Variants in PROSER3 observed in about 807,000 individuals in gnomAD.
PROSER3 encodes the protein proline and serine rich 3, also known as proline and serine-rich protein 3.
PROSER3 carries 33 observed loss-of-function variants against 50.2 expected under a neutral mutation model. The observed-to-expected ratio is 0.66, with a 90% confidence interval of 0.50 to 0.88. The LOEUF is 0.88. Among genes scored for constraint, PROSER3 ranks in the 40% least tolerant of loss-of-function variants. PROSER3 has a pLI of 0.00. For missense variants in PROSER3, 623 were observed against 612.7 expected, an observed-to-expected ratio of 1.02 and a Z score of -0.18; for synonymous variants, 266 against 259.3, an observed-to-expected ratio of 1.03 and a Z score of -0.25.
intron 9 of PROSER3, 35 bp from the exon 10 acceptor site, chr19:35,768,120 G>A: frequency 6.2e-7 from 1 of 1,605,080 alleles, no homozygotes. Flanking sequence ...TAAGAGGCCG[G>A]CCCCTTGGAG....
exon 2 of PROSER3, chr19:35,759,466 C>T (rs768876887): frequency 1.9e-6 from 3 of 1,611,486 alleles, no homozygotes; most frequent in Admixed American, 3.4e-5. Flanking sequence ...ACCTGGTGTC[C>T]CAAGGTGAGG....
chr19:35,762,303 G>A, exon 5 of PROSER3: 1 of 1,611,444 alleles, frequency 6.2e-7, no homozygotes, highest in South Asian at 1.1e-5. Context: ...CCCTACTGCG[G>A]TCAACGTGAC....
At chr19:35,759,116 C>A (rs1344282827) in intron 1 of PROSER3, 1 of 462,598 alleles carries the variant, frequency 2.2e-6, no homozygotes, top group Non-Finnish European at 3.9e-6. Flanking sequence ...AAAGCCCCTC[C>A]TAGACTGGAT....
chr19:35,758,412 C>T, intron 1 of PROSER3, 186 bp downstream of exon 1: 1 of 661,000 alleles, frequency 1.5e-6, no homozygotes, highest in East Asian at 3.4e-5. Flanking sequence ...TCCCGGGGGT[C>T]CCCTAAGAGT....
At chr19:35,763,492 C>A (rs1291876308) in intron 5 of PROSER3, among the ~76,000 whole-genome samples, 1 of 151,326 alleles carries the variant, frequency 6.6e-6, no homozygotes, top group Non-Finnish European at 1.5e-5. Flanking sequence ...AGGCGTGAAC[C>A]ACCAAGCCCG....
At chr19:35,765,974 T>C (rs1399409222) in intron 7 of PROSER3, among the ~76,000 whole-genome samples, 2 of 152,170 alleles carry the variant, frequency 1.3e-5, no homozygotes, top group African/African-American at 4.8e-5. Context: ...AGGCAAAGCC[T>C]TCGCCTTTTA....
At chr19:35,768,611 T>A (rs1971254725) in exon 11 of PROSER3, 3 of 1,502,412 alleles carry the variant, frequency 2.0e-6, no homozygotes, top group Non-Finnish European at 2.6e-6. Flanking sequence ...ACTGGTTATC[T>A]GTGAGAAAGG....
downstream of PROSER3, among the ~76,000 whole-genome samples, chr19:35,770,318 G>A (rs976974504): frequency 6.6e-6 from 1 of 152,018 alleles, no homozygotes; most frequent in Non-Finnish European, 1.5e-5. Flanking sequence ...GATTACAGAT[G>A]TGAGCCACCG....
chr19:35,767,354 C>G (rs1971185126), intron 8 of PROSER3: 1 of 265,760 alleles, frequency 3.8e-6, no homozygotes. Flanking sequence ...CCCGGCTTCC[C>G]TGGCCTCCAC....
chr19:35,768,292 A>T, intron 10 of PROSER3, 56 bp downstream of exon 10: 1 of 1,585,060 alleles, frequency 6.3e-7, no homozygotes, highest in Non-Finnish European at 8.6e-7. Context: ...GACCTCTGAG[A>T]CCCGGTTAGG....
chr19:35,770,959 G>C (rs1971302872), downstream of PROSER3: 1 of 151,724 alleles, frequency 6.6e-6, no homozygotes, highest in Admixed American at 6.6e-5. Context: ...ATGAAACTTA[G>C]TGAAGTGTGT....
downstream of PROSER3, chr19:35,770,909 A>C (rs1291325807): frequency 6.6e-6 from 1 of 151,694 alleles, no homozygotes; most frequent in African/African-American, 2.4e-5. Flanking sequence ...ACTAGTTGCC[A>C]TGCTGGGGAG....
Position 35,758,370 on chromosome 19 carries a change from G to C in PROSER3, c.11+144G>C, listed in dbSNP as rs940154908. The C allele has an allele frequency of 4.4e-6, 5 of 1,138,998 alleles. No homozygotes were observed. In the African/African-American group the frequency reaches 8.1e-5, roughly 19 times the overall value. The allele number at this position is 1,138,998 out of a possible 1,614,324, so 70.6% of individuals were successfully genotyped here. A position where few individuals can be genotyped will look rare whatever the true frequency, so the allele number is the denominator to read the frequency against. On this transcript the variant is annotated intron_variant, in intron 1 of 10. Transcript: ENST00000396908. ...ACTACAATTCCCAACATGCTCCACA[G>C]CCGTTGGCCTCTCCAGCCGTAGCCG...
intron 5 of PROSER3, among the ~76,000 whole-genome samples, chr19:35,763,582 C>T (rs962809224): frequency 2.4e-4 from 36 of 147,010 alleles, no homozygotes; most frequent in Admixed American, 2.3e-3. Flanking sequence ...CGGCTCACTG[C>T]AAACCCCGCC....
exon 7 of PROSER3, chr19:35,765,130 G>T (rs1386010565): frequency 1.2e-6 from 2 of 1,613,832 alleles, no homozygotes; most frequent in Middle Eastern, 1.6e-4. Flanking sequence ...CCTTCTCGGA[G>T]ACCTTCATCC....
At chr19:35,759,385 T>A in exon 2 of PROSER3, 1 of 1,613,500 alleles carries the variant, frequency 6.2e-7, no homozygotes, top group Non-Finnish European at 8.5e-7. Flanking sequence ...CTGCCAGTTT[T>A]CTCCATTCAA....
exon 11 of PROSER3, chr19:35,768,591 T>C (rs767329400): frequency 1.3e-6 from 2 of 1,516,332 alleles, no homozygotes; most frequent in South Asian, 1.3e-5. Context: ...TTTTTTTTTT[T>C]CATACAGTTA....
chr19:35,759,112 C>G (rs552457298), intron 1 of PROSER3: 1 of 410,864 alleles, frequency 2.4e-6, no homozygotes, highest in East Asian at 4.1e-5. Context: ...TTGAAAAGCC[C>G]CTCCTAGACT....
intron 1 of PROSER3, 53 bp from the exon 2 acceptor site, chr19:35,759,321 C>G: frequency 6.8e-7 from 1 of 1,464,636 alleles, no homozygotes; most frequent in Non-Finnish European, 9.4e-7. Flanking sequence ...TGTCCCCCTC[C>G]CCAGGGCTGC....
Sources: allele counts gnomAD v4.1 joint callset (sites outside exome capture counted in the v4.1 genomes callset), GRCh38; gene constraint gnomAD v4.1.1; transcripts MANE v1.5; gene names NCBI Gene and HGNC (gene_info 2026-07-23, HGNC 2026-07-21).